KIAA1328: variants seen among roughly 807,000 people sequenced by gnomAD.
The protein encoded by KIAA1328 is KIAA1328.
In KIAA1328, 52 loss-of-function variants were observed where a neutral mutation model predicts 68.1. The ratio of observed to expected loss-of-function variants is 0.76; its 90% CI spans 0.61 to 0.96. The LOEUF is 0.96. Among genes scored for constraint, KIAA1328 ranks in the 40% least tolerant of loss-of-function variants. KIAA1328 has a pLI of 0.00. For synonymous variants in KIAA1328, 232 were observed against 239.4 expected, an observed-to-expected ratio of 0.97 and a Z score of 0.28; for missense variants, 641 against 677.6, an observed-to-expected ratio of 0.95 and a Z score of 0.60.
chr18:37,141,919 T>C, intron 7 of KIAA1328, among the ~76,000 whole-genome samples: 1 of 152,224 alleles, frequency 6.6e-6, no homozygotes, highest in East Asian at 1.9e-4. Flanking sequence ...ACTCAATTAT[T>C]GAACATAGAG....
At chr18:36,927,445 G>C (rs2050159195) in intron 5 of KIAA1328, among the ~76,000 whole-genome samples, 1 of 152,124 alleles carries the variant, frequency 6.6e-6, no homozygotes. Flanking sequence ...TATTTTCACT[G>C]TGCTTTAAGG....
chr18:36,851,829 T>A (rs1243706127), intron 4 of KIAA1328, among the ~76,000 whole-genome samples: 1 of 152,014 alleles, frequency 6.6e-6, no homozygotes, highest in Non-Finnish European at 1.5e-5. Flanking sequence ...GCTGGCTTTT[T>A]ACTTAGTTTG....
At chr18:37,100,912 T>G (rs944256520) in intron 7 of KIAA1328, among the ~76,000 whole-genome samples, 1 of 152,120 alleles carries the variant, frequency 6.6e-6, no homozygotes, top group Non-Finnish European at 1.5e-5. Flanking sequence ...GCAAACAGGG[T>G]CTGGAGTGGA....
intron 6 of KIAA1328, among the ~76,000 whole-genome samples, chr18:36,990,750 C>T (rs2053143984): frequency 6.6e-6 from 1 of 151,788 alleles, no homozygotes; most frequent in African/African-American, 2.4e-5. Flanking sequence ...CATCCTTGTA[C>T]ATGTAACTTT....
chr18:36,972,269 A>G (rs755213814), intron 6 of KIAA1328, among the ~76,000 whole-genome samples: 32 of 152,288 alleles, frequency 2.1e-4, no homozygotes, highest in Admixed American at 7.2e-4. Context: ...ATTAAGCTAA[A>G]CATTAATCCA....
At chr18:36,844,612 T>C (rs2046967709) in intron 4 of KIAA1328, among the ~76,000 whole-genome samples, 1 of 152,050 alleles carries the variant, frequency 6.6e-6, no homozygotes, top group Non-Finnish European at 1.5e-5. Flanking sequence ...TTGATATTGT[T>C]GTAATCAGAG....
At chr18:37,019,552 T>C (rs1442097463) in intron 6 of KIAA1328, among the ~76,000 whole-genome samples, 1 of 152,234 alleles carries the variant, frequency 6.6e-6, no homozygotes, top group Non-Finnish European at 1.5e-5. Flanking sequence ...ATGGCCACCA[T>C]GTGCTCAGAG....
chr18:37,021,926 G>A (rs1346735779), intron 6 of KIAA1328, among the ~76,000 whole-genome samples: 1 of 152,068 alleles, frequency 6.6e-6, no homozygotes, highest in Admixed American at 6.6e-5. Flanking sequence ...TGTAGTCCCA[G>A]CTACTCAGGA....
chr18:36,984,553 G>T (rs189585823), intron 6 of KIAA1328, among the ~76,000 whole-genome samples: 6 of 152,116 alleles, frequency 3.9e-5, no homozygotes, highest in African/African-American at 1.4e-4. Flanking sequence ...ATGTGGCAAT[G>T]TCAAAGACCT....
In KIAA1328 at chr18:37,067,403, G is replaced by A. The variant is rs750978464; in HGVS notation, c.1090G>A (p.Glu364Lys). Residue 364 changes from glutamate to lysine, a missense_variant, in exon 7 of 10, where the codon GAA (glutamate) becomes AAA (lysine). Glu to Lys is a moderately conservative substitution (Grantham distance 56). Transcript: ENST00000280020. ...PIETLKKQIS[E>K]DRKQQLMLQK... ...TGAAACTTTGAAAAAGCAGATCTCA[G>A]AAGATAGAAAGCAGCAACTGATGCT... The A allele has an allele frequency of 5.6e-6, 9 of 1,612,258 alleles. No homozygotes were observed. The highest frequency in any genetic ancestry group is 7.6e-6 in the Non-Finnish European group (9 of 1,179,044).
At chr18:36,939,526 TATC>T (rs2050628536) in intron 5 of KIAA1328, among the ~76,000 whole-genome samples, 1 of 152,178 alleles carries the variant, frequency 6.6e-6, no homozygotes, top group Non-Finnish European at 1.5e-5. Flanking sequence ...TATAAGGTCA[TATC>T]ATCAGCAAAC....
intron 6 of KIAA1328, among the ~76,000 whole-genome samples, chr18:37,019,733 G>T (rs2054276748): frequency 6.6e-6 from 1 of 152,222 alleles, no homozygotes; most frequent in Admixed American, 6.5e-5. Flanking sequence ...AGGAGGTGTG[G>T]AGTGTCTCAG....
intron 6 of KIAA1328, 74 bp from the exon 7 acceptor site, chr18:37,066,816 T>C: frequency 1.5e-6 from 2 of 1,356,964 alleles, no homozygotes; most frequent in Non-Finnish European, 2.0e-6. Flanking sequence ...ATATCACTGA[T>C]TTCTGAAAAA....
chr18:36,933,064 A>C (rs1364726896), intron 5 of KIAA1328, among the ~76,000 whole-genome samples: 1 of 152,132 alleles, frequency 6.6e-6, no homozygotes, highest in Non-Finnish European at 1.5e-5. Context: ...CTGTAGCCCT[A>C]ATCTCACCTT....
intron 7 of KIAA1328, among the ~76,000 whole-genome samples, chr18:37,131,546 A>C (rs1486438864): frequency 1.3e-5 from 2 of 152,192 alleles, no homozygotes; most frequent in Non-Finnish European, 2.9e-5. Flanking sequence ...GCGTCTACCC[A>C]ATAAACAACC....
At position 37,067,413 on chromosome 18, in the gene KIAA1328, A is replaced by G. The variant is rs1272026836; in HGVS notation, c.1100A>G (p.Lys367Arg). The G allele has an allele frequency of 3.7e-6, 6 of 1,610,034 alleles. No homozygotes were observed. Among genetic ancestry groups the G allele is most frequent in the Non-Finnish European group, 5.1e-6 (6 of 1,177,958 alleles). The change falls in exon 7 of 10, where the codon AAG becomes AGG. Residue 367 changes from lysine (K) to arginine (R), a missense_variant. Lys to Arg is a conservative substitution (Grantham distance 26). Coordinates refer to ENST00000280020, the MANE Select transcript of KIAA1328 (RefSeq NM_020776.3). ...TLKKQISEDR[K>R]QQLMLQKMEL... Reference sequence around the variant, plus strand: ...AAAAAGCAGATCTCAGAAGATAGAAAGCAGCAACTGATGCTTCAGAAAATG... The same window carrying G: ...AAAAAGCAGATCTCAGAAGATAGAAGGCAGCAACTGATGCTTCAGAAAATG...
chr18:36,963,257 G>T (rs961673887), intron 6 of KIAA1328, among the ~76,000 whole-genome samples: 1 of 152,078 alleles, frequency 6.6e-6, no homozygotes, highest in African/African-American at 2.4e-5. Context: ...TGCTTTTCAG[G>T]GGGTAAGAGA....
At position 36,909,592 on chromosome 18, in the gene KIAA1328, CAT is replaced by C. The variant is rs1350610413; in HGVS notation, c.448+23923_448+23924del. Among the ~76,000 whole-genome samples the C allele has an allele frequency of 5.3e-5, 8 of 152,272 alleles. No individual in the cohort carries two copies. In the East Asian group the frequency reaches 1.4e-3, roughly 26 times the overall value. On this transcript the variant is annotated intron_variant, in intron 5 of 9. Coordinates refer to ENST00000280020, the MANE Select transcript of KIAA1328 (RefSeq NM_020776.3). ...CTATTGTGAATAGTGCCACAGTAAACATATGTGTGCATGTGTCTTTATAGCAG... is the reference window on the plus strand; with the variant it reads ...CTATTGTGAATAGTGCCACAGTAAACATGTGTGCATGTGTCTTTATAGCAG...
intron 6 of KIAA1328, among the ~76,000 whole-genome samples, chr18:37,058,700 A>G (rs1040257978): frequency 5.3e-5 from 8 of 152,148 alleles, no homozygotes; most frequent in African/African-American, 1.4e-4. Context: ...TGACAGAGCA[A>G]GACTCTGTCT....
Sources: allele counts gnomAD v4.1 joint callset (sites outside exome capture counted in the v4.1 genomes callset), GRCh38; gene constraint gnomAD v4.1.1; transcripts MANE v1.5; gene names NCBI Gene and HGNC (gene_info 2026-07-23, HGNC 2026-07-21).